Variants in CTNNA2 observed in about 807,000 individuals in gnomAD.
CTNNA2 encodes the protein catenin alpha-2.
Under a neutral mutation model 101.0 loss-of-function variants are expected in CTNNA2, and 42 were observed. The ratio of observed to expected loss-of-function variants is 0.42; its 90% confidence interval spans 0.32 to 0.54. The LOEUF is 0.54. Among genes scored for constraint, CTNNA2 ranks in the 20% least tolerant of loss-of-function variants. The pLI, the probability that CTNNA2 is intolerant of heterozygous loss-of-function variation, is 0.14. For missense variants in CTNNA2, 871 were observed against 1,223.1 expected (o/e 0.71, Z 4.29); for synonymous variants, 450 against 456.4 (o/e 0.99, Z 0.18).
chr2:80,403,197 A>G (rs183596205), intron 8 of CTNNA2, among the ~76,000 whole-genome samples: 63 of 152,314 alleles, frequency 4.1e-4, no homozygotes, highest in South Asian at 1.7e-3. Context: ...TTCTGTCTGT[A>G]TTTACAATGT....
chr2:79,361,541 T>C (rs1677629396), intron 3 of CTNNA2, among the ~76,000 whole-genome samples: 1 of 152,158 alleles, frequency 6.6e-6, no homozygotes, highest in South Asian at 2.1e-4. Context: ...AGTTAGCTGG[T>C]GTTCATATTT....
chr2:79,793,730 T>C (rs994145820), intron 3 of CTNNA2, among the ~76,000 whole-genome samples: 1 of 152,160 alleles, frequency 6.6e-6, no homozygotes, highest in Non-Finnish European at 1.5e-5. Context: ...AAGTAAATCT[T>C]AGCCTCCTTC....
At chr2:79,824,613 TA>T (rs895976376) in intron 3 of CTNNA2, among the ~76,000 whole-genome samples, 4 of 151,778 alleles carry the variant, frequency 2.6e-5, no homozygotes, top group African/African-American at 9.7e-5. Context: ...TCAACTTATG[TA>T]AAAGTAAAAA....
intron 13 of CTNNA2, chr2:80,575,389 C>T (rs895870163): frequency 2.0e-5 from 3 of 152,002 alleles, no homozygotes; most frequent in African/African-American, 7.2e-5. Context: ...TTGTTTGGCA[C>T]GGAGCCTAAA....
intron 2 of CTNNA2, among the ~76,000 whole-genome samples, chr2:79,219,987 A>G (rs1206982614): frequency 6.6e-6 from 1 of 152,142 alleles, no homozygotes; most frequent in Non-Finnish European, 1.5e-5. Context: ...GAGTTTTCCT[A>G]TTCATCTTCA....
rs763821800 is a variant in CTNNA2 at position 80,546,061 on chromosome 2, C to T, written c.1538C>T (p.Ser513Leu). The part of the protein sequence containing the change: ...ITSVDDFLSV[S>L]ENHILEDVNK... The stretch of plus-strand genomic sequence containing the variant: ...TCAGTGGATGACTTCCTCTCTGTCT[C>T]AGGTAATCATCACAAACAGGTCCCT... The change falls in exon 11 of 19, where the codon TCA (serine) becomes TTA (leucine). Residue 513 changes from serine (S) to leucine (L), a missense_variant and splice_region_variant. Coordinates refer to ENST00000402739, the MANE Select transcript of CTNNA2 (RefSeq NM_001282597.3). 4.3e-6 allele frequency: 7 copies of T among 1,613,710 alleles called. No individual in the cohort carries two copies. The highest frequency in any genetic ancestry group is 5.9e-6 in the Non-Finnish European group (7 of 1,179,908).
At chr2:80,226,112 C>T (rs919429303) in intron 7 of CTNNA2, among the ~76,000 whole-genome samples, 1 of 151,964 alleles carries the variant, frequency 6.6e-6, no homozygotes, top group Non-Finnish European at 1.5e-5. Flanking sequence ...TGAGATAATC[C>T]ATCCTTATGA....
intron 1 of CTNNA2, among the ~76,000 whole-genome samples, chr2:79,521,107 GATATATATATATATATATATATATATAT>G (rs59797728): frequency 0.017 from 1,795 of 105,362 alleles, 53 homozygotes; most frequent in East Asian, 0.028. Context: ...CAAAGCTGCT[GATATATATATATATATATATATATATAT>G]ATATATATAT....
At chr2:79,370,447 A>C (rs542267623) in intron 3 of CTNNA2, among the ~76,000 whole-genome samples, 1 of 152,290 alleles carries the variant, frequency 6.6e-6, no homozygotes, top group African/African-American at 2.4e-5. Context: ...CATTTTCTTT[A>C]GAGTCTGGAT....
At chr2:80,093,996 G>A (rs1205982293) in intron 7 of CTNNA2, among the ~76,000 whole-genome samples, 6 of 152,020 alleles carry the variant, frequency 3.9e-5, no homozygotes, top group Non-Finnish European at 8.8e-5. Flanking sequence ...CTGTGCAGAA[G>A]CTCTTTAGTT....
intron 1 of CTNNA2, among the ~76,000 whole-genome samples, chr2:79,525,122 G>T (rs912858641): frequency 7.2e-5 from 11 of 151,882 alleles, no homozygotes; most frequent in African/African-American, 2.4e-4. Flanking sequence ...TGAAGCTGTT[G>T]TGCTAATACG....
intron 18 of CTNNA2, among the ~76,000 whole-genome samples, chr2:80,640,055 T>C (rs190496219): frequency 1.3e-5 from 2 of 152,150 alleles, no homozygotes; most frequent in Non-Finnish European, 2.9e-5. Context: ...TGAGCCGAGA[T>C]TGTGCCACTG....
intron 7 of CTNNA2, among the ~76,000 whole-genome samples, chr2:79,989,658 A>G (rs1347300): frequency 0.22 from 33,321 of 151,990 alleles, 3,946 homozygotes; most frequent in Admixed American, 0.33. Context: ...CAACAACAAC[A>G]ACAACAGAAT....
chr2:80,268,073 A>C (rs559649043), intron 7 of CTNNA2, among the ~76,000 whole-genome samples: 1 of 152,384 alleles, frequency 6.6e-6, no homozygotes, highest in South Asian at 2.1e-4. Flanking sequence ...GTAAGCCCAC[A>C]GAGTTCAGCT....
At chr2:79,670,777 T>A (rs1459878125) in intron 2 of CTNNA2, among the ~76,000 whole-genome samples, 2 of 152,200 alleles carry the variant, frequency 1.3e-5, no homozygotes, top group African/African-American at 4.8e-5. Context: ...GCTTTTGCTC[T>A]GGATCACGTG....
rs541616615 is a variant in CTNNA2, at chr2:79,579,317, A to AT, written c.-6+66118dup. Among the ~76,000 whole-genome samples the AT allele has an allele frequency of 1.6e-4, 22 of 133,394 alleles. No homozygotes were observed. The East Asian group carries it at 4.1e-3, about 25-fold the overall frequency. The allele number at this position is 133,394 out of a possible 152,430, so 87.5% of individuals were successfully genotyped here. On this transcript the variant is annotated intron_variant, in intron 1 of 18. Coordinates refer to ENST00000402739, the MANE Select transcript of CTNNA2 (RefSeq NM_001282597.3). Reference sequence around the variant, plus strand: ...TTATTTTCTTCCTAGAATTCTAATCATTTTTTTTATCTGCTACCTGGATCC... The same window carrying AT: ...TTATTTTCTTCCTAGAATTCTAATCATTTTTTTTTATCTGCTACCTGGATCC...
chr2:79,873,958 C>G, intron 5 of CTNNA2, 118 bp from the exon 6 acceptor site: 1 of 1,451,574 alleles, frequency 6.9e-7, no homozygotes, highest in Admixed American at 2.4e-5. Flanking sequence ...CAGCTAGAAA[C>G]AGCACAAGGG....
At chr2:79,258,902 A>G (rs914226537) in intron 2 of CTNNA2, among the ~76,000 whole-genome samples, 2 of 147,614 alleles carry the variant, frequency 1.4e-5, no homozygotes, top group Non-Finnish European at 3.0e-5. Context: ...CCGAATATGG[A>G]GCATGCAGTG....
intron 3 of CTNNA2, among the ~76,000 whole-genome samples, chr2:79,768,351 G>A (rs919641254): frequency 2.0e-5 from 3 of 151,070 alleles, no homozygotes; most frequent in Non-Finnish European, 4.4e-5. Flanking sequence ...AGGAGGCACT[G>A]TCTTTTTAGT....
Sources: allele counts gnomAD v4.1 joint callset (sites outside exome capture counted in the v4.1 genomes callset), GRCh38; gene constraint gnomAD v4.1.1; transcripts MANE v1.5; gene names NCBI Gene and HGNC (gene_info 2026-07-23, HGNC 2026-07-21).